The following KIF13A variants were observed in gnomAD, a reference collection of about 807,000 sequenced individuals.
KIF13A encodes kinesin family member 13A.
In KIF13A, 79 loss-of-function variants were observed where a neutral mutation model predicts 212.2. That is an observed-to-expected ratio of 0.37 (90% CI 0.31 to 0.45). The LOEUF (loss-of-function observed/expected upper bound fraction) is 0.45. KIF13A is among the 20% of genes least tolerant of loss of function. The pLI, the probability that KIF13A is intolerant of heterozygous loss-of-function variation, is 1.00. For missense variants in KIF13A, 1,901 were observed against 2,209.0 expected, an observed-to-expected ratio of 0.86 and a Z score of 2.79; for synonymous variants, 789 against 808.6, an observed-to-expected ratio of 0.98 and a Z score of 0.41.
chr6:17,889,496 A>G (rs1476382831), intron 3 of KIF13A, among the ~76,000 whole-genome samples: 2 of 152,238 alleles, frequency 1.3e-5, no homozygotes, highest in Non-Finnish European at 2.9e-5. Context: ...AAATGAGCAA[A>G]CTGAGTAAAA....
chr6:17,925,771 C>T (rs1391529601), intron 2 of KIF13A, among the ~76,000 whole-genome samples: 2 of 152,114 alleles, frequency 1.3e-5, no homozygotes, highest in Non-Finnish European at 2.9e-5. Context: ...AATTGGGGGG[C>T]TACCAGAGTA....
At chr6:17,824,502 G>A (rs907686659) in intron 16 of KIF13A, among the ~76,000 whole-genome samples, 4 of 152,002 alleles carry the variant, frequency 2.6e-5, no homozygotes, top group Non-Finnish European at 4.4e-5. Flanking sequence ...GCTCATGCCT[G>A]TAATCCCAGC....
At position 17,771,211 on chromosome 6, in the gene KIF13A, G is replaced by A. The variant is rs781594811; in HGVS notation, c.4484C>T (p.Pro1495Leu). The A allele has an allele frequency of 1.7e-5, 28 of 1,610,550 alleles. No homozygotes were observed. Among genetic ancestry groups the A allele is most frequent in the Non-Finnish European group, 2.4e-5 (28 of 1,177,932 alleles). Residue 1495 changes from proline to leucine, a missense_variant, in exon 38 of 39, where the codon CCT (proline) becomes CTT (leucine). By Grantham distance (98) the Pro-to-Leu change is moderately conservative. Coordinates refer to ENST00000259711, the MANE Select transcript of KIF13A (RefSeq NM_022113.6). The surrounding 1 kb of genome is among the most constrained non-coding windows in gnomAD (Gnocchi z 5.4). ...ARPLLSQESM[P>L]PPQAHNPGCI... Reference sequence around the variant, plus strand: ...GCCAGGGTTATGTGCCTGAGGTGGAGGCATGCTCTGCAAAGGTTAAGACAC... The same window carrying A: ...GCCAGGGTTATGTGCCTGAGGTGGAAGCATGCTCTGCAAAGGTTAAGACAC...
At chr6:17,891,584 C>T (rs1581653138) in intron 3 of KIF13A, among the ~76,000 whole-genome samples, 1 of 152,058 alleles carries the variant, frequency 6.6e-6, no homozygotes, top group Non-Finnish European at 1.5e-5. Context: ...AGAGTGAGAC[C>T]TCATCTTTAC....
At position 17,825,113 on chromosome 6, in the gene KIF13A, TA is replaced by T. The variant is rs1410120895; in HGVS notation, c.1786+654del. 6.6e-6 allele frequency among the ~76,000 whole-genome samples: 1 copy of T among 152,090 alleles called. No individual in the cohort carries two copies. Among genetic ancestry groups the T allele is most frequent in the Non-Finnish European group, 1.5e-5 (1 of 67,998 alleles). ...GATGGGAAAAGAAAGGGCAGATTTA[TA>T]AAACAGCAAAAAAGGAAAGAATTTG... On this transcript the variant is annotated intron_variant, in intron 16 of 38. Transcript: ENST00000259711. The surrounding 1 kb of genome is among the most constrained non-coding windows in gnomAD (Gnocchi z 4.5).
At chr6:17,974,499 C>T (rs916344163) in intron 2 of KIF13A, among the ~76,000 whole-genome samples, 1 of 152,184 alleles carries the variant, frequency 6.6e-6, no homozygotes, top group Non-Finnish European at 1.5e-5. Context: ...GATGGCTATA[C>T]CCCCAGACAC....
In KIF13A at chr6:17,772,461, A is replaced by C. The variant is rs1432588206; in HGVS notation, c.4325-402T>G. On this transcript the variant is annotated intron_variant, in intron 36 of 38. Coordinates refer to ENST00000259711, the MANE Select transcript of KIF13A (RefSeq NM_022113.6). This position sits in a 1 kb window ranked among gnomAD's most constrained non-coding sequence, Gnocchi z 4.8. Reference sequence around the variant, plus strand: ...ACAAACAACAAACAACAAACAAAAAAACCCCCAAAAAACCATGGAACAGAT... The same window carrying C: ...ACAAACAACAAACAACAAACAAAAACACCCCCAAAAAACCATGGAACAGAT... Among the ~76,000 whole-genome samples the C allele has an allele frequency of 6.6e-6, 1 of 152,174 alleles. No homozygotes were observed. Among genetic ancestry groups the C allele is most frequent in the Non-Finnish European group, 1.5e-5 (1 of 68,040 alleles).
At chr6:17,848,127 T>C (rs778902717) in intron 9 of KIF13A, among the ~76,000 whole-genome samples, 1 of 152,162 alleles carries the variant, frequency 6.6e-6, no homozygotes, top group Non-Finnish European at 1.5e-5. Flanking sequence ...TTATTTTTAG[T>C]TGACACACAA....
At position 17,912,027 on chromosome 6, in the gene KIF13A, G is replaced by A. The variant is rs1226131639; in HGVS notation, c.147-13847C>T. On this transcript the variant is annotated intron_variant, in intron 2 of 38. Coordinates refer to ENST00000259711, the MANE Select transcript of KIF13A (RefSeq NM_022113.6). The surrounding 1 kb of genome is among the most constrained non-coding windows in gnomAD (Gnocchi z 4.2). ...GATTACCCCGTCTTGGGCTCCCAAA[G>A]TGCTGGGATTACAGGCATGAGGCAC... Among the ~76,000 whole-genome samples, 1 of 152,102 alleles carries A rather than the reference G, an allele frequency of 6.6e-6. No homozygotes were observed. The highest frequency in any genetic ancestry group is 6.5e-5 in the Admixed American group (1 of 15,274).
At chr6:17,847,810 T>TTAG (rs1767225148) in intron 9 of KIF13A, among the ~76,000 whole-genome samples, 1 of 152,066 alleles carries the variant, frequency 6.6e-6, no homozygotes, top group Non-Finnish European at 1.5e-5. Flanking sequence ...GTAGGTACTA[T>TTAG]TATTATTATT....
rs760143330 is a variant in KIF13A, at chr6:17,850,292, C to T, written c.717+31G>A. ...TGGACACTTTCAGTTCTTCCACCCC[C>T]ACTCCAAAAAGGTTCTGCCTAATCC... On this transcript the variant is annotated intron_variant, in intron 8 of 38. Transcript: ENST00000259711. The surrounding 1 kb of genome is among the most constrained non-coding windows in gnomAD (Gnocchi z 6.2). The T allele has an allele frequency of 6.3e-7, 1 of 1,578,014 alleles. No individual in the cohort carries two copies. The highest frequency in any genetic ancestry group is 1.2e-5 in the South Asian group (1 of 86,612).
chr6:17,840,685 CT>C (rs1374278405), intron 9 of KIF13A, among the ~76,000 whole-genome samples: 1 of 151,964 alleles, frequency 6.6e-6, no homozygotes, highest in African/African-American at 2.4e-5. Context: ...CAGAAAGTTT[CT>C]AGTACTCCTA....
At position 17,971,181 on chromosome 6, in the gene KIF13A, T is replaced by C. The variant is rs905624032; in HGVS notation, c.146+15873A>G. Among the ~76,000 whole-genome samples, 1 of 152,160 alleles carries C rather than the reference T, an allele frequency of 6.6e-6. No individual in the cohort carries two copies. The highest frequency in any genetic ancestry group is 6.5e-5 in the Admixed American group (1 of 15,276). On this transcript the variant is annotated intron_variant, in intron 2 of 38. Coordinates refer to ENST00000259711, the MANE Select transcript of KIF13A (RefSeq NM_022113.6). This position sits in a 1 kb window ranked among gnomAD's most constrained non-coding sequence, Gnocchi z 4.2. The stretch of plus-strand genomic sequence containing the variant: ...GGACCCAAGATCCTCAGAACTCCAA[T>C]AGCTGATGTACTATTAGACATCGCA...
intron 2 of KIF13A, among the ~76,000 whole-genome samples, chr6:17,923,997 G>T (rs1259180780): frequency 6.6e-6 from 1 of 151,954 alleles, no homozygotes; most frequent in Non-Finnish European, 1.5e-5. Context: ...CCGACACATG[G>T]AAGAGCTAAA....
At chr6:17,814,686 C>A (rs541929017) in intron 17 of KIF13A, among the ~76,000 whole-genome samples, 3 of 152,228 alleles carry the variant, frequency 2.0e-5, no homozygotes, top group East Asian at 3.9e-4. Flanking sequence ...GATTGCCTGA[C>A]CTATAAGACA....
chr6:17,898,207 G>A lies in KIF13A; in HGVS notation c.147-27C>T. On this transcript the variant is annotated intron_variant, in intron 2 of 38. Coordinates refer to ENST00000259711, the MANE Select transcript of KIF13A (RefSeq NM_022113.6). This position sits in a 1 kb window ranked among gnomAD's most constrained non-coding sequence, Gnocchi z 5.2. ...TTAATGATGGGAAAAAAAAAATTCA[G>A]CAGCAGGGATACAGAGGGTTGTCAA... 6.2e-7 allele frequency: 1 copy of A among 1,611,462 alleles called. No homozygotes were observed. The highest frequency in any genetic ancestry group is 1.1e-5 in the South Asian group (1 of 90,752).
At position 17,811,765 on chromosome 6, in the gene KIF13A, TTGAA is replaced by T. The variant is rs529957109; in HGVS notation, c.2001-2839_2001-2836del. On this transcript the variant is annotated intron_variant, in intron 17 of 38. Transcript: ENST00000259711. The surrounding 1 kb of genome is among the most constrained non-coding windows in gnomAD (Gnocchi z 6.0). ...ATCAATAATGCAACTATTCTTGTCT[TTGAA>T]TGACATTCCCAAAATATCTCATCTT... Among the ~76,000 whole-genome samples the T allele has an allele frequency of 2.2e-4, 33 of 152,370 alleles. No individual in the cohort carries two copies. The East Asian group carries it at 6.2e-3, about 28-fold the overall frequency.
downstream of KIF13A, chr6:17,760,629 T>G (rs541660291): frequency 3.2e-4 from 190 of 586,424 alleles, no homozygotes; most frequent in Admixed American, 2.9e-3. Context: ...TCTCTTGCTT[T>G]CTGGAAAAAG....
chr6:17,859,263 G>C (rs1768459061), intron 4 of KIF13A, among the ~76,000 whole-genome samples: 1 of 151,972 alleles, frequency 6.6e-6, no homozygotes, highest in Non-Finnish European at 1.5e-5. Context: ...TACTAAAATT[G>C]CAAGAAAAAT....
Sources: gnomAD v4.1 joint callset for allele counts (sites outside exome capture counted in the v4.1 genomes callset) on GRCh38, gnomAD v4.1.1 for gene constraint, Gnocchi (gnomAD v3.1) non-coding constraint, MANE v1.5 for transcripts, NCBI Gene and HGNC (gene_info 2026-07-23, HGNC 2026-07-21) for gene names.